MUC6: variants seen among roughly 807,000 people sequenced by gnomAD.
The protein encoded by MUC6 is mucin-6.
A neutral mutation model predicts 201.5 loss-of-function variants in MUC6; 188 were observed. The observed-to-expected ratio is 0.93, with a 90% confidence interval of 0.83 to 1.05. The LOEUF is 1.05. MUC6 is among the 50% of genes least tolerant of loss of function. MUC6 has a pLI of 0.00. For synonymous variants in MUC6, 1,228 were observed against 1,389.4 expected (o/e 0.88, Z 2.58); for missense variants, 2,706 against 3,256.9 (o/e 0.83, Z 4.12).
chr11:1,034,185 C>G (rs912460207), intron 1 of MUC6, among the ~76,000 whole-genome samples: 2 of 151,548 alleles, frequency 1.3e-5, no homozygotes, highest in Admixed American at 6.6e-5. Flanking sequence ...CTGTCTGGCA[C>G]AGGCAGGAGG....
At chr11:1,021,578 C>T (rs1856809037) in intron 26 of MUC6, among the ~76,000 whole-genome samples, 1 of 152,014 alleles carries the variant, frequency 6.6e-6, no homozygotes, top group African/African-American at 2.4e-5. Flanking sequence ...GCCACGTTGG[C>T]CAGGCTGGTC....
In MUC6 at chr11:1,016,309, A is replaced by G. The variant is rs757942294; in HGVS notation, c.6492T>C (p.Ser2164=). The G allele has an allele frequency of 1.9e-6, 3 of 1,611,846 alleles. No homozygotes were observed. The South Asian group carries it at 3.3e-5, about 18-fold the overall frequency. ...TSSPSVGTSS[S]FVSAPVHSTT... is the part of the protein sequence containing the mutation. The stretch of plus-strand genomic sequence containing the variant: ...TGGAGTGCACGGGGGCGGACACGAA[A>G]GAGGAAGATGTGCCAACAGAAGGCG... The change falls in exon 31 of 33, where the codon TCT becomes TCC. Residue 2164 remains serine, a synonymous_variant. Transcript: ENST00000421673.
intron 8 of MUC6, 49 bp downstream of exon 8, chr11:1,030,164 G>A: frequency 5.3e-6 from 8 of 1,514,514 alleles, no homozygotes; most frequent in Non-Finnish European, 7.1e-6. Flanking sequence ...TTGTCTCTGG[G>A]TTCTCTCTAG....
In MUC6 at chr11:1,025,980, G is replaced by T. The variant is rs1378369665; in HGVS notation, c.2688+20C>A. The T allele has an allele frequency of 2.5e-6, 4 of 1,588,862 alleles. No homozygotes were observed. The highest frequency in any genetic ancestry group is 2.6e-6 in the Non-Finnish European group (3 of 1,168,076). On this transcript the variant is annotated intron_variant, in intron 21 of 32. Coordinates refer to ENST00000421673, the MANE Select transcript of MUC6 (RefSeq NM_005961.3). Reference sequence around the variant, plus strand: ...TGCCTCTGGGTCCCCGGCCCCTGCGGCCTGGCACCCGATGGTTACCGTGGC... The same window carrying T: ...TGCCTCTGGGTCCCCGGCCCCTGCGTCCTGGCACCCGATGGTTACCGTGGC...
chr11:1,019,711 C>T (rs1018090476), intron 29 of MUC6, among the ~76,000 whole-genome samples: 1 of 152,156 alleles, frequency 6.6e-6, no homozygotes, highest in Non-Finnish European at 1.5e-5. Context: ...GCTTATGGGG[C>T]TGCGGCTGCT....
At position 1,016,048 on chromosome 11, in the gene MUC6, C is replaced by G; in HGVS notation, c.6753G>C (p.Thr2251=). The G allele has an allele frequency of 1.2e-6, 2 of 1,611,302 alleles. No individual in the cohort carries two copies. Among genetic ancestry groups the G allele is most frequent in the Non-Finnish European group, 1.7e-6 (2 of 1,178,342 alleles). Residue 2251 remains threonine (T), a synonymous_variant, in exon 31 of 33, where the codon ACG becomes ACC. Coordinates refer to ENST00000421673, the MANE Select transcript of MUC6 (RefSeq NM_005961.3). ...TGTGGGTGCTGGCCGTGGTCCTGGG[C>G]GTGGACGGAAATGCAATGGTGCTGG... ...LASSTIAFPS[T]PRTTASTHTA...
At position 1,036,701 on chromosome 11, in the gene MUC6, G is replaced by A; in HGVS notation, c.-46C>T. 2.7e-5 allele frequency: 41 copies of A among 1,536,368 alleles called. No homozygotes were observed. The highest frequency in any genetic ancestry group is 3.5e-5 in the Non-Finnish European group (40 of 1,141,998). On this transcript the variant is annotated 5_prime_UTR_variant, in exon 1 of 33. Transcript: ENST00000421673. ...TCGCGCTGGGCCCGGCAGGCCTGCT[G>A]CTGCCATCCATGCGGCTCCAACGGC...
Position 1,028,741 on chromosome 11 carries a change from A to G in MUC6, c.1496T>C (p.Met499Thr). The change falls in exon 13 of 33, where the codon ATG (methionine) becomes ACG (threonine). Residue 499 changes from methionine (M) to threonine (T), a missense_variant. Met to Thr is a moderately conservative substitution (Grantham distance 81). Around this residue, in one of 10 missense-constraint regions of MUC6, gnomAD observed 1,850 missense variants for 1,958.3 expected, o/e 0.94. Transcript: ENST00000421673. ...VFRQTSTHLQMATSFGLELVV... is the reference protein window; with the variant it reads ...VFRQTSTHLQTATSFGLELVV... ...GAGCTCCAGCCCGAAGCTGGTGGCC[A>G]TCTGGAGGTGGGTGGACGTCTGCCT... The G allele has an allele frequency of 6.2e-7, 1 of 1,612,504 alleles. No individual in the cohort carries two copies. The highest frequency in any genetic ancestry group is 8.5e-7 in the Non-Finnish European group (1 of 1,179,800).
intron 30 of MUC6, 110 bp downstream of exon 30, chr11:1,019,161 CGCTT>C: frequency 1.6e-6 from 2 of 1,250,696 alleles, no homozygotes; most frequent in Non-Finnish European, 2.2e-6. Context: ...GCTGCCTTCT[CGCTT>C]GCCCTCTGGG....
chr11:1,013,464 C>T lies in MUC6; in HGVS notation c.7312G>A (p.Gly2438Arg), dbSNP rs779627914. ...SHCVCSSVAC[G>R]D ...AGCAGGCAGCGACCCTGCTAGTCTC[C>T]ACAGGCCACAGAGCTGCACACGCAG... The change falls in exon 33 of 33, where the codon GGA becomes AGA. Residue 2438 changes from glycine to arginine, a missense_variant. Transcript: ENST00000421673. 10 of 1,580,426 alleles carry T rather than the reference C, an allele frequency of 6.3e-6. No individual in the cohort carries two copies. Among genetic ancestry groups the T allele is most frequent in the Non-Finnish European group, 8.6e-6 (10 of 1,164,880 alleles).
intron 26 of MUC6, among the ~76,000 whole-genome samples, chr11:1,021,552 G>T (rs1856808251): frequency 6.6e-6 from 1 of 152,018 alleles, no homozygotes; most frequent in African/African-American, 2.4e-5. Flanking sequence ...TGTATTTTTA[G>T]TAGTGATGGG....
chr11:1,027,032 T>G lies in MUC6; in HGVS notation c.2303A>C (p.Lys768Thr), dbSNP rs775302388. 7.5e-6 allele frequency: 12 copies of G among 1,603,050 alleles called. No homozygotes were observed. The highest frequency in any genetic ancestry group is 1.0e-5 in the Non-Finnish European group (12 of 1,175,564). ...QMFLASCQAP[K>T]TFKSCSQSSE... ...GGACTGGCTGCAGGACTTGAAGGTC[T>G]TAGGGGCCTGGCAGGAGGCTGCAGG... Residue 768 changes from lysine (K) to threonine (T), a missense_variant, in exon 19 of 33, where the codon AAG becomes ACG. By Grantham distance (78) the Lys-to-Thr change is moderately conservative. Transcript: ENST00000421673.
Position 1,027,724 on chromosome 11 carries a change from C to T in MUC6, c.1942G>A (p.Val648Ile), listed in dbSNP as rs184826746. The change falls in exon 16 of 33, where the codon GTC becomes ATC. Residue 648 changes from valine (V) to isoleucine (I), a missense_variant. By Grantham distance (29) the Val-to-Ile change is conservative. Around this residue, in one of 10 missense-constraint regions of MUC6, gnomAD observed 1,850 missense variants for 1,958.3 expected, o/e 0.94. Coordinates refer to ENST00000421673, the MANE Select transcript of MUC6 (RefSeq NM_005961.3). ...DYVHACSLRGVLLWGWRSSVD... is the reference protein window; with the variant it reads ...DYVHACSLRGILLWGWRSSVD... ...CTGCTTCTCCAGCCCCAGAGCAGGA[C>T]GCCCCGCAAGGAGCAGGCGTGTACG... 4.1e-4 allele frequency: 654 copies of T among 1,606,578 alleles called. 2 individuals are homozygous for T. In the African/African-American group the frequency reaches 7.6e-3, roughly 19 times the overall value.
chr11:1,030,547 C>G, intron 7 of MUC6, 26 bp downstream of exon 7: 1 of 1,471,980 alleles, frequency 6.8e-7, no homozygotes, highest in Non-Finnish European at 9.0e-7. Flanking sequence ...CCTTCCTGCC[C>G]CTCCCTCTCC....
Position 1,013,500 on chromosome 11 carries a change from C to A in MUC6, c.7276G>T (p.Val2426Leu), listed in dbSNP as rs1278606443. 2 of 1,583,998 alleles carry A rather than the reference C, an allele frequency of 1.3e-6. No individual in the cohort carries two copies. The highest frequency in any genetic ancestry group is 4.6e-5 in the East Asian group (2 of 43,172). ...PGRRLVLTLQ[V>L]FSHCVCSSVA... ...GAGCTGCACACGCAGTGGCTGAACA[C>A]CTGCAGGGTGAGTACGAGCCGCCGG... The change falls in exon 33 of 33, where the codon GTG (valine) becomes TTG (leucine). Residue 2426 changes from valine to leucine, a missense_variant. Physicochemically the swap from Val to Leu is conservative, Grantham distance 32 (BLOSUM62 1). Coordinates refer to ENST00000421673, the MANE Select transcript of MUC6 (RefSeq NM_005961.3).
intron 1 of MUC6, among the ~76,000 whole-genome samples, chr11:1,034,554 C>G (rs1857175274): frequency 6.6e-6 from 1 of 152,010 alleles, no homozygotes; most frequent in Admixed American, 6.5e-5. Context: ...GGGATGGGGC[C>G]CTCGCTGGCC....
Position 1,033,394 on chromosome 11 carries a change from T to C in MUC6, c.53-319A>G, listed in dbSNP as rs2133838607. On this transcript the variant is annotated intron_variant, in intron 1 of 32. Coordinates refer to ENST00000421673, the MANE Select transcript of MUC6 (RefSeq NM_005961.3). The surrounding 1 kb of genome is among the most constrained non-coding windows in gnomAD (Gnocchi z 5.6). ...GCAGGGTACTCATCCCTGGGGCTTCTGGGTGGGGCTAGGAGGGGCTGGTGC... is the reference window on the plus strand; with the variant it reads ...GCAGGGTACTCATCCCTGGGGCTTCCGGGTGGGGCTAGGAGGGGCTGGTGC... Among the ~76,000 whole-genome samples the C allele has an allele frequency of 6.7e-6, 1 of 149,136 alleles. No homozygotes were observed. Among genetic ancestry groups the C allele is most frequent in the East Asian group, 1.9e-4 (1 of 5,172 alleles).
intron 25 of MUC6, 132 bp from the exon 26 acceptor site, chr11:1,023,784 C>T (rs1024438892): frequency 7.5e-5 from 109 of 1,460,258 alleles, no homozygotes; most frequent in Non-Finnish European, 9.7e-5. Context: ...TGAAGCCTCC[C>T]CTGGGCAGCT....
intron 13 of MUC6, 99 bp downstream of exon 13, chr11:1,028,546 AG>A (rs1857022101): frequency 6.5e-7 from 1 of 1,544,018 alleles, no homozygotes; most frequent in Non-Finnish European, 8.8e-7. Flanking sequence ...CCGGACACAG[AG>A]GGTTGTGTGA....
Sources: gnomAD v4.1 joint callset for allele counts (sites outside exome capture counted in the v4.1 genomes callset) on GRCh38, gnomAD v4.1.1 for gene constraint, gnomAD v4.1.1 regional missense constraint, Gnocchi (gnomAD v3.1) non-coding constraint, MANE v1.5 for transcripts, NCBI Gene and HGNC (gene_info 2026-07-23, HGNC 2026-07-21) for gene names.